Variants in ASTN2 observed in about 807,000 individuals in gnomAD.
The protein encoded by ASTN2 is astrotactin-2.
In ASTN2, 54 loss-of-function variants were observed where a neutral mutation model predicts 139.8. The observed-to-expected ratio is 0.39, with a 90% confidence interval of 0.31 to 0.48. ASTN2 has a LOEUF of 0.48. Ranked by LOEUF, ASTN2 falls within the 20% of genes least tolerant of loss-of-function variation. The probability of loss-of-function intolerance (pLI) is 0.95; values close to 1 mark genes in which losing one functional copy is unlikely to be tolerated. For synonymous variants in ASTN2, 756 were observed against 719.5 expected, an observed-to-expected ratio of 1.05 and a Z score of -0.81; for missense variants, 1,565 against 1,725.1, an observed-to-expected ratio of 0.91 and a Z score of 1.64.
chr9:117,172,248 T>C (rs889510947), intron 3 of ASTN2, among the ~76,000 whole-genome samples: 2 of 152,162 alleles, frequency 1.3e-5, no homozygotes, highest in African/African-American at 2.4e-5. Flanking sequence ...ATACAGTAGG[T>C]ACTGTAGAAT....
chr9:116,445,668 G>C (rs1016441039), intron 20 of ASTN2, among the ~76,000 whole-genome samples: 6 of 152,130 alleles, frequency 3.9e-5, no homozygotes, highest in African/African-American at 7.2e-5. Flanking sequence ...CCAATTGCTG[G>C]CTGAATATTC....
intron 10 of ASTN2, among the ~76,000 whole-genome samples, chr9:116,876,586 T>C (rs985970276): frequency 6.6e-6 from 1 of 152,192 alleles, no homozygotes; most frequent in Non-Finnish European, 1.5e-5. Context: ...TACAACAAAC[T>C]TCACTGTTGT....
chr9:116,928,333 T>G (rs956982204), intron 10 of ASTN2, among the ~76,000 whole-genome samples: 1 of 152,010 alleles, frequency 6.6e-6, no homozygotes, highest in Non-Finnish European at 1.5e-5. Context: ...ATTTAACCAT[T>G]ACAGTATAAT....
At chr9:117,055,349 G>A (rs1839027680) in intron 5 of ASTN2, among the ~76,000 whole-genome samples, 1 of 152,138 alleles carries the variant, frequency 6.6e-6, no homozygotes, top group South Asian at 2.1e-4. Context: ...AGGTGTAGAG[G>A]CTCATGCCTG....
intron 19 of ASTN2, among the ~76,000 whole-genome samples, chr9:116,605,257 G>A (rs906004725): frequency 6.6e-6 from 1 of 152,124 alleles, no homozygotes; most frequent in African/African-American, 2.4e-5. Flanking sequence ...CAGAAAAGGG[G>A]CACTGACCAG....
At chr9:116,900,142 T>G (rs1214692784) in intron 10 of ASTN2, among the ~76,000 whole-genome samples, 1 of 152,210 alleles carries the variant, frequency 6.6e-6, no homozygotes, top group Non-Finnish European at 1.5e-5. Flanking sequence ...ATTAAACTAT[T>G]TCTCTATTGC....
intron 16 of ASTN2, among the ~76,000 whole-genome samples, chr9:116,658,089 TTTTTG>T (rs1053829108): frequency 7.2e-5 from 11 of 152,104 alleles, no homozygotes; most frequent in African/African-American, 1.9e-4. Context: ...GGAAGTTTGT[TTTTTG>T]TTTTGTTTTT....
At chr9:117,287,251 A>G (rs540860171) in intron 2 of ASTN2, among the ~76,000 whole-genome samples, 22 of 152,332 alleles carry the variant, frequency 1.4e-4, no homozygotes, top group Admixed American at 6.5e-4. Context: ...ACAAATGATG[A>G]AGGTAACTTG....
At chr9:116,668,488 G>T (rs10817921) in intron 16 of ASTN2, among the ~76,000 whole-genome samples, 14,323 of 152,158 alleles carry the variant, frequency 0.094, 1,241 homozygotes, top group South Asian at 0.4. Flanking sequence ...CACCATGCCC[G>T]GCCGCCTTCT....
chr9:117,156,420 G>T lies in ASTN2; in HGVS notation c.1016-14942C>A, dbSNP rs966953989. ...TTGGCACTATTGACATTTGAAGCTGGCTAATTCTTTGCTGTGGAAACTGTC... is the reference window on the plus strand; with the variant it reads ...TTGGCACTATTGACATTTGAAGCTGTCTAATTCTTTGCTGTGGAAACTGTC... On this transcript the variant is annotated intron_variant, in intron 3 of 22. Transcript: ENST00000313400. Among the ~76,000 whole-genome samples the T allele has an allele frequency of 2.6e-5, 4 of 152,014 alleles. No individual in the cohort carries two copies. The South Asian group carries it at 6.2e-4, about 24-fold the overall frequency.
At chr9:116,903,624 T>TC (rs1834077272) in intron 10 of ASTN2, among the ~76,000 whole-genome samples, 1 of 152,184 alleles carries the variant, frequency 6.6e-6, no homozygotes, top group Non-Finnish European at 1.5e-5. Flanking sequence ...ACCCACCTCC[T>TC]CCTCTTCTGG....
intron 13 of ASTN2, among the ~76,000 whole-genome samples, chr9:116,795,506 G>A (rs1367792338): frequency 6.6e-6 from 1 of 152,184 alleles, no homozygotes; most frequent in Non-Finnish European, 1.5e-5. Context: ...ATGTTTTCCC[G>A]AGGCTGTGAT....
chr9:116,732,913 C>T (rs894083768), intron 14 of ASTN2, among the ~76,000 whole-genome samples: 2 of 152,122 alleles, frequency 1.3e-5, no homozygotes, highest in African/African-American at 4.8e-5. Context: ...AAAAATAATA[C>T]CCACCCCACA....
chr9:116,596,435 T>C (rs1564141444), intron 19 of ASTN2, among the ~76,000 whole-genome samples: 1 of 152,190 alleles, frequency 6.6e-6, no homozygotes, highest in Non-Finnish European at 1.5e-5. Context: ...TGTTAAGTGT[T>C]CTTACCAAAC....
chr9:116,730,792 A>G lies in ASTN2; in HGVS notation c.2522-1696T>C, dbSNP rs529558219. On this transcript the variant is annotated intron_variant, in intron 14 of 22. Coordinates refer to ENST00000313400, the MANE Select transcript of ASTN2 (RefSeq NM_001365068.1). ...GGCATGATGTCCAAACATAAAAACAAAACAAATTTAAAAACTCCTTCTGAT... is the reference window on the plus strand; with the variant it reads ...GGCATGATGTCCAAACATAAAAACAGAACAAATTTAAAAACTCCTTCTGAT... Among the ~76,000 whole-genome samples, 22 of 152,344 alleles carry G rather than the reference A, an allele frequency of 1.4e-4. No individual in the cohort carries two copies. In the South Asian group the frequency reaches 4.3e-3, roughly 30 times the overall value.
intron 20 of ASTN2, among the ~76,000 whole-genome samples, chr9:116,443,168 C>G (rs1027397449): frequency 6.6e-6 from 1 of 152,112 alleles, no homozygotes; most frequent in Non-Finnish European, 1.5e-5. Context: ...CCCATGAAAG[C>G]CTTCCTGAAG....
rs149915779 is a variant in ASTN2 at position 117,243,287 on chromosome 9, A to G, written c.631-28545T>C. On this transcript the variant is annotated intron_variant, in intron 2 of 22. Transcript: ENST00000313400. ...CTTTGTTGTGTCTCAGAAAGTAATTATTTAATTCTCATAACTGAGAACAGA... is the reference window on the plus strand; with the variant it reads ...CTTTGTTGTGTCTCAGAAAGTAATTGTTTAATTCTCATAACTGAGAACAGA... Among the ~76,000 whole-genome samples the G allele has an allele frequency of 2.4e-3, 359 of 152,322 alleles. 4 individuals carry two copies. Among genetic ancestry groups the G allele is most frequent in the African/African-American group, 8.0e-3 (331 of 41,572 alleles).
At chr9:116,655,547 C>T (rs1353778620) in intron 16 of ASTN2, among the ~76,000 whole-genome samples, 2 of 152,166 alleles carry the variant, frequency 1.3e-5, no homozygotes, top group Non-Finnish European at 2.9e-5. Context: ...GGCACAGGCT[C>T]TTCTCTCTGC....
At chr9:116,844,992 G>T (rs1015004084) in intron 11 of ASTN2, among the ~76,000 whole-genome samples, 7 of 152,212 alleles carry the variant, frequency 4.6e-5, no homozygotes, top group Admixed American at 3.3e-4. Flanking sequence ...TTAGCTTGAT[G>T]TCTGCAGAAG....
Sources: allele counts gnomAD v4.1 joint callset (sites outside exome capture counted in the v4.1 genomes callset), GRCh38; gene constraint gnomAD v4.1.1; transcripts MANE v1.5; gene names NCBI Gene and HGNC (gene_info 2026-07-23, HGNC 2026-07-21).